FGF14: variants seen among roughly 807,000 people sequenced by gnomAD.
FGF14 encodes the protein fibroblast growth factor homologous factor 4.
Under a neutral mutation model 25.5 loss-of-function variants are expected in FGF14, and 5 were observed. That is an observed-to-expected ratio of 0.20 (90% CI 0.10 to 0.41). The LOEUF (loss-of-function observed/expected upper bound fraction) is 0.41. FGF14 is among the 10% of genes least tolerant of loss of function. The pLI is 1.00. For missense variants in FGF14, 222 were observed against 320.1 expected (o/e 0.69, Z 2.34); for synonymous variants, 138 against 118.3 (o/e 1.17, Z -1.08).
chr13:101,884,110 GT>G (rs1436442916), intron 1 of FGF14, among the ~76,000 whole-genome samples: 1 of 139,714 alleles, frequency 7.2e-6, no homozygotes, highest in Admixed American at 7.4e-5. Flanking sequence ...GAGGCAGAGA[GT>G]CACTATATGA....
chr13:102,272,426 A>G (rs1031561309), intron 1 of FGF14, among the ~76,000 whole-genome samples: 1 of 152,130 alleles, frequency 6.6e-6, no homozygotes, highest in Admixed American at 6.6e-5. Flanking sequence ...AAGCTTTAGG[A>G]TAGAAGATAC....
intron 1 of FGF14, among the ~76,000 whole-genome samples, chr13:101,965,850 T>C (rs1775639066): frequency 6.6e-6 from 1 of 152,184 alleles, no homozygotes; most frequent in African/African-American, 2.4e-5. Context: ...GTTTCCTTCA[T>C]TTAACACAGT....
At chr13:101,884,146 G>A (rs1349183386) in intron 1 of FGF14, among the ~76,000 whole-genome samples, 1 of 150,154 alleles carries the variant, frequency 6.7e-6, no homozygotes, top group Non-Finnish European at 1.5e-5. Context: ...ACACAAAAAG[G>A]AAATGATGGC....
upstream of FGF14, among the ~76,000 whole-genome samples, chr13:101,917,777 G>T (rs1055502311): frequency 7.9e-5 from 12 of 152,200 alleles, 1 homozygote; most frequent in Non-Finnish European, 1.8e-4. Flanking sequence ...AATGGAAAGA[G>T]AGAAGGTGTG....
chr13:101,850,293 A>C (rs1339878092), intron 3 of FGF14, among the ~76,000 whole-genome samples: 1 of 142,886 alleles, frequency 7.0e-6, no homozygotes, highest in East Asian at 2.1e-4. Flanking sequence ...AAAAAAAAAA[A>C]AAAAAAAAAA....
intron 3 of FGF14, among the ~76,000 whole-genome samples, chr13:101,788,084 G>C (rs930741005): frequency 5.9e-5 from 9 of 152,098 alleles, no homozygotes; most frequent in Non-Finnish European, 1.3e-4. Context: ...TGTTGGTCAG[G>C]CTGGTCTCAA....
intron 1 of FGF14, among the ~76,000 whole-genome samples, chr13:102,119,614 GAAAT>G (rs1404971563): frequency 1.3e-5 from 2 of 152,118 alleles, no homozygotes; most frequent in Non-Finnish European, 2.9e-5. Context: ...GGTTTAGATG[GAAAT>G]AAATAATATA....
At chr13:101,724,862 C>A (rs1301857695) in intron 4 of FGF14, among the ~76,000 whole-genome samples, 1 of 151,266 alleles carries the variant, frequency 6.6e-6, no homozygotes, top group African/African-American at 2.4e-5. Flanking sequence ...TTATTTCTCT[C>A]TTTCTCATAT....
intron 1 of FGF14, among the ~76,000 whole-genome samples, chr13:101,940,519 C>T (rs1197099302): frequency 6.6e-6 from 1 of 152,164 alleles, no homozygotes; most frequent in Non-Finnish European, 1.5e-5. Flanking sequence ...GTACAAATTG[C>T]TTTTTTCTAC....
At chr13:101,967,498 A>C (rs1213853603) in intron 1 of FGF14, 1 of 152,196 alleles carries the variant, frequency 6.6e-6, no homozygotes, top group Non-Finnish European at 1.5e-5. Flanking sequence ...GTGTGGGAGG[A>C]ACCTCTAATT....
At position 101,900,775 on chromosome 13, in the gene FGF14, A is replaced by G. The variant is rs1226500660; in HGVS notation, c.193+15678T>C. ...ACACAAGTGTATTTATTCACTCTGT[A>G]AAAATTAATTAAGTTGTGTATGATT... On this transcript the variant is annotated intron_variant, in intron 1 of 4. Coordinates refer to ENST00000376143, the MANE Select transcript of FGF14 (RefSeq NM_004115.4). Among the ~76,000 whole-genome samples the G allele has an allele frequency of 2.0e-5, 3 of 152,310 alleles. No individual in the cohort carries two copies. The East Asian group carries it at 5.8e-4, about 29-fold the overall frequency.
intron 1 of FGF14, among the ~76,000 whole-genome samples, chr13:102,350,476 C>A (rs1261663182): frequency 6.6e-6 from 1 of 152,120 alleles, no homozygotes; most frequent in African/African-American, 2.4e-5. Context: ...AAGGCAGACG[C>A]CTTGTTATAC....
chr13:101,988,327 A>G (rs773309706), intron 1 of FGF14, among the ~76,000 whole-genome samples: 1 of 151,976 alleles, frequency 6.6e-6, no homozygotes, highest in Non-Finnish European at 1.5e-5. Context: ...CTCAGGGAGA[A>G]GGAAAAAGGG....
chr13:101,845,065 T>C (rs2043382028), intron 3 of FGF14, among the ~76,000 whole-genome samples: 2 of 152,030 alleles, frequency 1.3e-5, no homozygotes, highest in African/African-American at 4.8e-5. Context: ...CAAATCACCA[T>C]GCCATGCCCT....
chr13:102,342,804 G>T (rs958783755), intron 1 of FGF14, among the ~76,000 whole-genome samples: 1 of 152,006 alleles, frequency 6.6e-6, no homozygotes, highest in Non-Finnish European at 1.5e-5. Context: ...TGGGTCAATA[G>T]GCACATTTCC....
At chr13:102,199,850 G>A (rs1449814997) in intron 1 of FGF14, among the ~76,000 whole-genome samples, 2 of 152,056 alleles carry the variant, frequency 1.3e-5, no homozygotes. Flanking sequence ...CCCTATCTGA[G>A]ACCCCATCTT....
At chr13:102,272,764 T>C (rs1566886450) in intron 1 of FGF14, among the ~76,000 whole-genome samples, 1 of 152,014 alleles carries the variant, frequency 6.6e-6, no homozygotes, top group Non-Finnish European at 1.5e-5. Flanking sequence ...GTGATATATC[T>C]ATATATATCT....
chr13:101,757,344 AG>A (rs1447120271), intron 3 of FGF14, among the ~76,000 whole-genome samples: 1 of 152,066 alleles, frequency 6.6e-6, no homozygotes. Flanking sequence ...TTGGGAGAAA[AG>A]GGGGGAATAT....
chr13:101,910,249 AAAT>A (rs1362134780), intron 1 of FGF14, among the ~76,000 whole-genome samples: 7 of 148,874 alleles, frequency 4.7e-5, no homozygotes. Flanking sequence ...ATAAAAAAAT[AAAT>A]AAAATAAAAA....
Sources: gnomAD v4.1 joint callset for allele counts (sites outside exome capture counted in the v4.1 genomes callset) on GRCh38, gnomAD v4.1.1 for gene constraint, MANE v1.5 for transcripts, NCBI Gene and HGNC (gene_info 2026-07-23, HGNC 2026-07-21) for gene names.